The following RSU1 variants were observed in gnomAD, a reference collection of about 807,000 sequenced individuals.
RSU1 encodes rsu-1.
A neutral mutation model predicts 31.1 loss-of-function variants in RSU1; 26 were observed. The observed-to-expected ratio is 0.84, with a 90% confidence interval of 0.61 to 1.16. The LOEUF (loss-of-function observed/expected upper bound fraction) is 1.16, where lower values mean the gene tolerates loss of function less well. Among genes scored for constraint, RSU1 ranks in the 50% most tolerant of loss-of-function variants. The probability of loss-of-function intolerance (pLI) is 0.00; values close to 1 mark genes in which losing one functional copy is unlikely to be tolerated. For missense variants in RSU1, 320 were observed against 339.1 expected, an observed-to-expected ratio of 0.94 and a Z score of 0.44; for synonymous variants, 164 against 136.3, an observed-to-expected ratio of 1.20 and a Z score of -1.41.
At chr10:16,707,360 T>C (rs1165933518) in intron 7 of RSU1, among the ~76,000 whole-genome samples, 1 of 152,178 alleles carries the variant, frequency 6.6e-6, no homozygotes, top group Non-Finnish European at 1.5e-5. Flanking sequence ...CAACAATGTG[T>C]TTCCCTTTCT....
intron 4 of RSU1, among the ~76,000 whole-genome samples, chr10:16,757,676 C>T (rs1837126738): frequency 6.6e-6 from 1 of 152,166 alleles, no homozygotes; most frequent in Non-Finnish European, 1.5e-5. Context: ...TCAGAAGTGA[C>T]TGATGAAGGC....
At chr10:16,806,971 C>T (rs951424818) in intron 2 of RSU1, among the ~76,000 whole-genome samples, 2 of 152,164 alleles carry the variant, frequency 1.3e-5, no homozygotes, top group African/African-American at 4.8e-5. Flanking sequence ...CCAGGGTGGT[C>T]TCAAACTCCT....
At chr10:16,801,092 T>C (rs1160555627) in intron 2 of RSU1, among the ~76,000 whole-genome samples, 3 of 139,754 alleles carry the variant, frequency 2.1e-5, no homozygotes, top group Admixed American at 1.4e-4. Context: ...TGTGGATCTT[T>C]TTTTTAAAAA....
intron 2 of RSU1, among the ~76,000 whole-genome samples, chr10:16,808,013 A>C (rs1588550060): frequency 2.4e-5 from 3 of 123,130 alleles, no homozygotes; most frequent in African/African-American, 7.2e-5. Context: ...ACACAGCAAG[A>C]CTCTGTCTCA....
chr10:16,795,289 G>A (rs891227251), intron 2 of RSU1, among the ~76,000 whole-genome samples: 79 of 149,830 alleles, frequency 5.3e-4, no homozygotes, highest in African/African-American at 1.8e-3. Context: ...AGGAAGCAGT[G>A]GTTGCAGTGA....
Position 16,690,934 on chromosome 10 carries a change from C to T in RSU1, c.731+4089G>A, listed in dbSNP as rs911094563. 1.0e-3 allele frequency among the ~76,000 whole-genome samples: 157 copies of T among 152,210 alleles called. 1 individual carries two copies. Among genetic ancestry groups the T allele is most frequent in the Non-Finnish European group, 2.8e-4 (19 of 68,020 alleles). The stretch of plus-strand genomic sequence containing the variant: ...GATAGACAAATACACATCCGCAACA[C>T]ACAGACACTGATAAATATATAAGTA... On this transcript the variant is annotated intron_variant, in intron 8 of 8. Coordinates refer to ENST00000345264, the MANE Select transcript of RSU1 (RefSeq NM_012425.4).
intron 2 of RSU1, among the ~76,000 whole-genome samples, chr10:16,793,033 T>C (rs867044306): frequency 6.6e-6 from 1 of 152,210 alleles, no homozygotes; most frequent in East Asian, 1.9e-4. Context: ...GTTCTGACAA[T>C]GTATTAAAAT....
intron 7 of RSU1, among the ~76,000 whole-genome samples, chr10:16,746,677 T>A (rs1428896628): frequency 2.0e-5 from 3 of 151,182 alleles, no homozygotes; most frequent in African/African-American, 7.3e-5. Context: ...TTTTTTTTTT[T>A]TTTTTTTTTT....
chr10:16,611,648 A>C (rs756458038), intron 8 of RSU1, among the ~76,000 whole-genome samples: 8 of 152,176 alleles, frequency 5.3e-5, no homozygotes, highest in Non-Finnish European at 8.8e-5. Context: ...CTGGGGGCTG[A>C]CATCTGCACC....
intron 8 of RSU1, among the ~76,000 whole-genome samples, chr10:16,654,361 C>CAAAAAAAA (rs536600415): frequency 0.012 from 1,129 of 92,088 alleles, 11 homozygotes; most frequent in African/African-American, 0.014. Context: ...CCTAAATTTG[C>CAAAAAAAA]AAAAAAAAAA....
intron 8 of RSU1, among the ~76,000 whole-genome samples, chr10:16,620,695 A>G (rs575566710): frequency 1.3e-5 from 2 of 152,122 alleles, no homozygotes; most frequent in Non-Finnish European, 2.9e-5. Context: ...AACACAAAAA[A>G]TTAGCTGGGT....
intron 4 of RSU1, among the ~76,000 whole-genome samples, chr10:16,756,260 T>C (rs1483204482): frequency 2.6e-5 from 4 of 152,178 alleles, no homozygotes; most frequent in African/African-American, 9.7e-5. Context: ...GGGGATTGGC[T>C]GAACAACAAT....
chr10:16,689,574 C>A (rs922647322), intron 8 of RSU1, among the ~76,000 whole-genome samples: 17 of 152,066 alleles, frequency 1.1e-4, no homozygotes, highest in African/African-American at 4.1e-4. Context: ...AAACAATAAC[C>A]AACAGCCAAA....
chr10:16,681,708 G>A (rs1241601843), intron 8 of RSU1, among the ~76,000 whole-genome samples: 2 of 152,160 alleles, frequency 1.3e-5, no homozygotes, highest in Non-Finnish European at 1.5e-5. Context: ...TGGGTGGGAT[G>A]AGGTCATTTG....
intron 8 of RSU1, among the ~76,000 whole-genome samples, chr10:16,625,149 A>C (rs1454517448): frequency 6.6e-6 from 1 of 152,182 alleles, no homozygotes; most frequent in African/African-American, 2.4e-5. Context: ...AGAATCCGTC[A>C]CTTGTACTCT....
At chr10:16,736,224 G>A (rs948265349) in intron 7 of RSU1, among the ~76,000 whole-genome samples, 2 of 152,044 alleles carry the variant, frequency 1.3e-5, no homozygotes, top group East Asian at 3.9e-4. Flanking sequence ...CCTAAAGGCT[G>A]GGAAAGAAAA....
At chr10:16,691,295 G>C (rs573934177) in intron 8 of RSU1, among the ~76,000 whole-genome samples, 1 of 151,532 alleles carries the variant, frequency 6.6e-6, no homozygotes, top group South Asian at 2.1e-4. Flanking sequence ...ATATAATACA[G>C]ATCTATTCAT....
intron 7 of RSU1, chr10:16,721,865 A>G (rs908087239): frequency 2.2e-4 from 34 of 152,206 alleles, no homozygotes; most frequent in African/African-American, 7.7e-4. Context: ...AATAAGGATT[A>G]TAAGTGCTTA....
chr10:16,811,637 C>T (rs1456776350), intron 2 of RSU1, among the ~76,000 whole-genome samples: 1 of 152,198 alleles, frequency 6.6e-6, no homozygotes, highest in Non-Finnish European at 1.5e-5. Flanking sequence ...AGGGGCTACA[C>T]CTCTTCTTTG....
Sources: allele counts gnomAD v4.1 joint callset (sites outside exome capture counted in the v4.1 genomes callset), GRCh38; gene constraint gnomAD v4.1.1; transcripts MANE v1.5; gene names NCBI Gene and HGNC (gene_info 2026-07-23, HGNC 2026-07-21).